Variants in ZNF689 observed in about 807,000 individuals in gnomAD.
ZNF689 encodes the protein short ORF-encoded histone-binding protein.
In ZNF689, 14 loss-of-function variants were observed where a neutral mutation model predicts 37.2. The ratio of observed to expected loss-of-function variants is 0.38; its 90% confidence interval spans 0.25 to 0.59. ZNF689 has a LOEUF of 0.59. Among genes scored for constraint, ZNF689 ranks in the 20% least tolerant of loss-of-function variants. The pLI is 0.68. For missense variants in ZNF689, 573 were observed against 700.2 expected (o/e 0.82, Z 2.05); for synonymous variants, 277 against 283.3 (o/e 0.98, Z 0.22).
In ZNF689 at chr16:30,604,036, G is replaced by A. The variant is rs747193883; in HGVS notation, c.*228C>T. ...CCTGATATCCACACAAACTATTTTA[G>A]GATAGGGTAGCTTGGAAAACTTTAA... On this transcript the variant is annotated 3_prime_UTR_variant, in exon 3 of 3. Coordinates refer to ENST00000287461, the MANE Select transcript of ZNF689 (RefSeq NM_138447.3). This position sits in a 1 kb window ranked among gnomAD's most constrained non-coding sequence, Gnocchi z 5.2. 1.4e-6 allele frequency: 1 copy of A among 692,854 alleles called. No individual in the cohort carries two copies. The allele number at this position is 692,854 out of a possible 1,614,324, so 42.9% of individuals were successfully genotyped here.
chr16:30,609,475 T>C (rs1298973659), intron 2 of ZNF689, 50 bp downstream of exon 2: 7 of 1,552,538 alleles, frequency 4.5e-6, no homozygotes, highest in Middle Eastern at 3.4e-4. Context: ...CCGTTAGAGG[T>C]AGAACGTTAT....
intron 2 of ZNF689, among the ~76,000 whole-genome samples, chr16:30,609,055 C>G (rs893546817): frequency 6.6e-6 from 1 of 152,124 alleles, no homozygotes; most frequent in Non-Finnish European, 1.5e-5. Flanking sequence ...CCAGAAAACT[C>G]TGAGAAGTTT....
At chr16:30,609,677 T>C (rs2052074697) in intron 1 of ZNF689, 39 bp from the exon 2 acceptor site, 1 of 1,612,950 alleles carries the variant, frequency 6.2e-7, no homozygotes, top group African/African-American at 1.3e-5. Context: ...AGCTCCTAGA[T>C]CACGCCGAGT....
chr16:30,607,079 C>T (rs1179192287), intron 2 of ZNF689, among the ~76,000 whole-genome samples: 9 of 149,614 alleles, frequency 6.0e-5, no homozygotes, highest in East Asian at 2.0e-4. Flanking sequence ...GGTGAAACCC[C>T]GTCTCTACAA....
chr16:30,609,317 C>A, intron 2 of ZNF689: 12 of 303,378 alleles, frequency 4.0e-5, no homozygotes, highest in Non-Finnish European at 5.0e-5. Flanking sequence ...CTGATTCATT[C>A]ACACAGTGGA....
Position 30,604,746 on chromosome 16 carries a change from C to T in ZNF689, c.1021G>A (p.Gly341Arg). 1.2e-6 allele frequency: 2 copies of T among 1,606,958 alleles called. No individual in the cohort carries two copies. Among genetic ancestry groups the T allele is most frequent in the East Asian group, 2.2e-5 (1 of 44,754 alleles). The change falls in exon 3 of 3, where the codon GGG becomes AGG. Residue 341 changes from glycine (G) to arginine (R), a missense_variant. Coordinates refer to ENST00000287461, the MANE Select transcript of ZNF689 (RefSeq NM_138447.3). This position sits in a 1 kb window ranked among gnomAD's most constrained non-coding sequence, Gnocchi z 5.2. ...RLVSHRRVHS[G>R]ERPYACEHCE... Reference sequence around the variant, plus strand: ...TGCTCGCAGGCATAGGGACGCTCCCCAGAGTGCACACGCCGGTGACTGACC... The same window carrying T: ...TGCTCGCAGGCATAGGGACGCTCCCTAGAGTGCACACGCCGGTGACTGACC...
At chr16:30,606,377 G>A (rs8063005) in intron 2 of ZNF689, among the ~76,000 whole-genome samples, 23,208 of 152,156 alleles carry the variant, frequency 0.15, 2,242 homozygotes, top group African/African-American at 0.27. Flanking sequence ...AATCTACCTT[G>A]TAGAAACCAT....
intron 2 of ZNF689, 38 bp downstream of exon 2, chr16:30,609,487 G>A (rs771800115): frequency 1.0e-5 from 16 of 1,586,322 alleles, no homozygotes; most frequent in African/African-American, 1.3e-5. Flanking sequence ...GAACGTTATA[G>A]GAGGGCTGCA....
At position 30,610,247 on chromosome 16, in the gene ZNF689, G is replaced by T. The variant is rs954151820; in HGVS notation, c.-206C>A. On this transcript the variant is annotated 5_prime_UTR_variant, in exon 1 of 3. An upstream open reading frame in the 5' UTR gains an earlier in-frame stop. Transcript: ENST00000287461. ...ACTCCTGCCCGAACTTGGGTGAAAG[G>T]CACCGGAAGATGCCTTCGGGGAAAA... is the stretch of plus-strand genomic sequence containing the variant. 2 of 625,530 alleles carry T rather than the reference G, an allele frequency of 3.2e-6. No individual in the cohort carries two copies. The highest frequency in any genetic ancestry group is 4.4e-5 in the South Asian group (2 of 45,712). 38.7% of individuals were successfully genotyped at this position (625,530 alleles called of 1,614,324 possible). A position where few individuals can be genotyped will look rare whatever the true frequency, so the allele number is the denominator to read the frequency against.
chr16:30,610,049 G>C lies in ZNF689; in HGVS notation c.-8C>G. 1.3e-6 allele frequency: 2 copies of C among 1,580,072 alleles called. No individual in the cohort carries two copies. The highest frequency in any genetic ancestry group is 1.7e-6 in the Non-Finnish European group (2 of 1,165,032). On this transcript the variant is annotated 5_prime_UTR_variant, in exon 1 of 3. Transcript: ENST00000287461. ...AGCCGAAGGTGGCGCCATGGGACCC[G>C]AGAAGCCGGCGCCACGGCCTTCCGT... is the stretch of plus-strand genomic sequence containing the variant.
rs117929446 is a variant in ZNF689 at position 30,604,224 on chromosome 16, C to T, written c.*40G>A. 1.9e-6 allele frequency: 3 copies of T among 1,608,156 alleles called. No individual in the cohort carries two copies. In the East Asian group the frequency reaches 6.7e-5, roughly 36 times the overall value. On this transcript the variant is annotated 3_prime_UTR_variant, in exon 3 of 3. Coordinates refer to ENST00000287461, the MANE Select transcript of ZNF689 (RefSeq NM_138447.3). The surrounding 1 kb of genome is among the most constrained non-coding windows in gnomAD (Gnocchi z 5.2). ...GGCTCCTCCTTCCCTTTTCTGGGACCCTCCATAAAATGAAATGAACGTAGG... is the reference window on the plus strand; with the variant it reads ...GGCTCCTCCTTCCCTTTTCTGGGACTCTCCATAAAATGAAATGAACGTAGG...
At chr16:30,606,821 ATATACACACCT>A (rs940640649) in intron 2 of ZNF689, among the ~76,000 whole-genome samples, 6 of 152,152 alleles carry the variant, frequency 3.9e-5, no homozygotes, top group Non-Finnish European at 8.8e-5. Context: ...AAAAGACAAC[ATATACACACCT>A]TATACACACT....
chr16:30,609,500 C>T (rs2052071753), intron 2 of ZNF689, 25 bp downstream of exon 2: 2 of 1,605,506 alleles, frequency 1.2e-6, no homozygotes, highest in Non-Finnish European at 1.7e-6. Context: ...GGGCTGCAGG[C>T]TCTGCGTGGT....
upstream of ZNF689, chr16:30,610,485 C>G (rs576174771): frequency 2.7e-4 from 48 of 180,012 alleles, no homozygotes; most frequent in Non-Finnish European, 4.8e-4. Flanking sequence ...TGGGTGCTAG[C>G]AAAGGCGGTC....
In ZNF689 at chr16:30,605,346, T is replaced by A. The variant is rs2052026169; in HGVS notation, c.421A>T (p.Ile141Phe). 3 of 1,613,568 alleles carry A rather than the reference T, an allele frequency of 1.9e-6. No homozygotes were observed. The South Asian group carries it at 3.3e-5, about 18-fold the overall frequency. The part of the protein sequence containing the change: ...RGRRPSKPRL[I>F]PRQTSGGPIC... Reference sequence around the variant, plus strand: ...GGGCCCCCGGACGTCTGCCTAGGAATCAGTCGGGGTTTGCTGGGCCTCCGG... The same window carrying A: ...GGGCCCCCGGACGTCTGCCTAGGAAACAGTCGGGGTTTGCTGGGCCTCCGG... The change falls in exon 3 of 3, where the codon ATT becomes TTT. Residue 141 changes from isoleucine to phenylalanine, a missense_variant. Ile to Phe is a conservative substitution (Grantham distance 21, BLOSUM62 0). This residue lies in a region of ZNF689 where 252 missense variants were observed against 313.3 expected (regional missense o/e 0.80). Transcript: ENST00000287461. This position sits in a 1 kb window ranked among gnomAD's most constrained non-coding sequence, Gnocchi z 5.1.
At position 30,609,824 on chromosome 16, in the gene ZNF689, G is replaced by A. The variant is rs746630249; in HGVS notation, c.205+13C>T. On this transcript the variant is annotated intron_variant, in intron 1 of 2. Coordinates refer to ENST00000287461, the MANE Select transcript of ZNF689 (RefSeq NM_138447.3). Reference sequence around the variant, plus strand: ...CCTTCGCGCCCCGCGGCAGCGGATGGGGCCGGCCTCACCGAGCGCGCCCAG... The same window carrying A: ...CCTTCGCGCCCCGCGGCAGCGGATGAGGCCGGCCTCACCGAGCGCGCCCAG... 6.8e-5 allele frequency: 108 copies of A among 1,594,044 alleles called. No homozygotes were observed. In the South Asian group the frequency reaches 9.2e-4, roughly 14 times the overall value.
rs1440747209 is a variant in ZNF689 at position 30,605,117 on chromosome 16, C to A, written c.650G>T (p.Arg217Leu). The A allele has an allele frequency of 3.1e-6, 5 of 1,613,960 alleles. No individual in the cohort carries two copies. The African/African-American group carries it at 4.0e-5, about 13-fold the overall frequency. The part of the protein sequence containing the change: ...CDQCGKRFSQ[R>L]KNLSQHQVIH... ...GACCTGGTGCTGGGAGAGGTTCTTG[C>A]GCTGGGAGAAACGTTTGCCACACTG... The change falls in exon 3 of 3, where the codon CGC (arginine) becomes CTC (leucine). Residue 217 changes from arginine to leucine, a missense_variant. Coordinates refer to ENST00000287461, the MANE Select transcript of ZNF689 (RefSeq NM_138447.3). The surrounding 1 kb of genome is among the most constrained non-coding windows in gnomAD (Gnocchi z 5.1).
At position 30,610,177 on chromosome 16, in the gene ZNF689, G is replaced by T. The variant is rs1181412865; in HGVS notation, c.-136C>A. 32 of 1,060,472 alleles carry T rather than the reference G, an allele frequency of 3.0e-5. No homozygotes were observed. Among genetic ancestry groups the T allele is most frequent in the Non-Finnish European group, 3.7e-5 (28 of 757,626 alleles). 65.7% of individuals were successfully genotyped at this position (1,060,472 alleles called of 1,614,324 possible). On this transcript the variant is annotated 5_prime_UTR_variant, in exon 1 of 3. Transcript: ENST00000287461. ...GGGAGGCCCGGAGGGAATCGGAATT[G>T]GTCGCCCGCGGGGCTAACGGAAACC... is the stretch of plus-strand genomic sequence containing the variant.
chr16:30,608,512 C>T (rs1161957789), intron 2 of ZNF689: 2 of 152,066 alleles, frequency 1.3e-5, no homozygotes, highest in Non-Finnish European at 2.9e-5. Flanking sequence ...GAACTCCGGA[C>T]CTCAAGTGAT....
Sources: allele counts gnomAD v4.1 joint callset (sites outside exome capture counted in the v4.1 genomes callset), GRCh38; gene constraint gnomAD v4.1.1; regional missense constraint gnomAD v4.1.1; non-coding constraint Gnocchi (gnomAD v3.1); transcripts MANE v1.5; gene names NCBI Gene and HGNC (gene_info 2026-07-23, HGNC 2026-07-21).